The following ASIC2 variants were observed in gnomAD, a reference collection of about 807,000 sequenced individuals.
ASIC2 encodes acid sensing ion channel subunit 2.
In ASIC2, 25 loss-of-function variants were observed where a neutral mutation model predicts 57.3. The ratio of observed to expected loss-of-function variants is 0.44; its 90% CI spans 0.32 to 0.61. The LOEUF (loss-of-function observed/expected upper bound fraction) is 0.61, where lower values mean the gene tolerates loss of function less well. Ranked by LOEUF, ASIC2 falls within the 20% of genes least tolerant of loss-of-function variation. The probability of loss-of-function intolerance (pLI) is 0.06; values close to 1 mark genes in which losing one functional copy is unlikely to be tolerated. For missense variants in ASIC2, 641 were observed against 738.1 expected (o/e 0.87, Z 1.52); for synonymous variants, 319 against 307.5 (o/e 1.04, Z -0.39).
At chr17:33,667,148 G>A (rs556045879) in intron 1 of ASIC2, among the ~76,000 whole-genome samples, 1 of 152,112 alleles carries the variant, frequency 6.6e-6, no homozygotes, top group Non-Finnish European at 1.5e-5. Context: ...AATCTCAGCC[G>A]GAAACCACCT....
rs137876689 is a variant in ASIC2 at position 33,610,060 on chromosome 17, A to G, written c.556-497993T>C. ...TGGGACCCTGGACAGAGGCGCACAC[A>G]CACACACACACACACACACACACAC... On this transcript the variant is annotated intron_variant, in intron 1 of 9. Coordinates refer to the ASIC2 transcript ENST00000359872. Among the ~76,000 whole-genome samples, 5 of 141,412 alleles carry G rather than the reference A, an allele frequency of 3.5e-5. No individual in the cohort carries two copies. The Middle Eastern group carries it at 0.011, about 319-fold the overall frequency. The allele number at this position is 141,412 out of a possible 152,430, so 92.8% of individuals were successfully genotyped here.
intron 1 of ASIC2, among the ~76,000 whole-genome samples, chr17:33,712,635 GCTT>G (rs75568689): frequency 8.1e-6 from 1 of 123,320 alleles, no homozygotes; most frequent in African/African-American, 3.2e-5. Context: ...TACTCATATG[GCTT>G]TTTTTTTTTT....
At chr17:33,322,007 C>T (rs1375402833) in intron 1 of ASIC2, among the ~76,000 whole-genome samples, 1 of 152,200 alleles carries the variant, frequency 6.6e-6, no homozygotes, top group Non-Finnish European at 1.5e-5. Context: ...TGTCTGGATC[C>T]TGGGAAGGAC....
chr17:33,034,137 T>C (rs2091898532), intron 3 of ASIC2, among the ~76,000 whole-genome samples: 1 of 152,212 alleles, frequency 6.6e-6, no homozygotes, highest in East Asian at 1.9e-4. Flanking sequence ...GCTACCCACT[T>C]CTCTGAGCTC....
At chr17:34,111,346 A>G (rs541778321) in intron 1 of ASIC2, among the ~76,000 whole-genome samples, 77 of 149,358 alleles carry the variant, frequency 5.2e-4, no homozygotes, top group African/African-American at 1.8e-3. Context: ...ATATACAGGC[A>G]CCAAAAATGA....
At chr17:33,617,213 A>G (rs761030310) in intron 1 of ASIC2, among the ~76,000 whole-genome samples, 32 of 152,246 alleles carry the variant, frequency 2.1e-4, no homozygotes, top group Non-Finnish European at 2.2e-4. Flanking sequence ...ACATAGACAC[A>G]TATGTTCATT....
intron 1 of ASIC2, among the ~76,000 whole-genome samples, chr17:33,300,094 T>G (rs1905889371): frequency 6.6e-6 from 1 of 152,172 alleles, no homozygotes; most frequent in African/African-American, 2.4e-5. Flanking sequence ...GAGTATCTAG[T>G]AAAAAGTTTC....
intron 1 of ASIC2, among the ~76,000 whole-genome samples, chr17:33,872,306 C>T (rs1473754586): frequency 1.3e-5 from 2 of 152,258 alleles, no homozygotes; most frequent in East Asian, 3.9e-4. Context: ...CAAGACCCTA[C>T]ACACAGCCTG....
chr17:33,728,613 G>T (rs1909638743), intron 1 of ASIC2, among the ~76,000 whole-genome samples: 1 of 152,120 alleles, frequency 6.6e-6, no homozygotes, highest in Non-Finnish European at 1.5e-5. Flanking sequence ...TTCATAGCCT[G>T]TGATGGGTTC....
chr17:33,358,821 T>C (rs1468344504), intron 1 of ASIC2, among the ~76,000 whole-genome samples: 1 of 152,222 alleles, frequency 6.6e-6, no homozygotes, highest in Non-Finnish European at 1.5e-5. Context: ...GGGACCTCTT[T>C]GTATTTTCTT....
At position 33,155,203 on chromosome 17, in the gene ASIC2, G is replaced by A. The variant is rs187554963; in HGVS notation, c.709-43136C>T. 3.3e-3 allele frequency among the ~76,000 whole-genome samples: 499 copies of A among 152,374 alleles called. 2 individuals are homozygous for A. The highest frequency in any genetic ancestry group is 0.025 in the South Asian group (122 of 4,830). On this transcript the variant is annotated intron_variant, in intron 1 of 9. Transcript: ENST00000225823. ...CCCAACCCCACACCTGGCATTGGCT[G>A]GGTGCTCAATAAATGCTGGCTGACC...
chr17:34,155,498 C>T (rs902247591), intron 1 of ASIC2: 1 of 166,790 alleles, frequency 6.0e-6, no homozygotes, highest in Admixed American at 6.0e-5. Flanking sequence ...CCCCACACCC[C>T]CTTCTCTGAC....
At chr17:33,259,694 C>G (rs1017499379) in intron 1 of ASIC2, among the ~76,000 whole-genome samples, 41 of 152,110 alleles carry the variant, frequency 2.7e-4, no homozygotes, top group African/African-American at 9.2e-4. Context: ...TCACACGATC[C>G]CTAGTAGGTG....
At chr17:33,649,801 C>T (rs1906861307) in intron 1 of ASIC2, among the ~76,000 whole-genome samples, 1 of 152,152 alleles carries the variant, frequency 6.6e-6, no homozygotes. Context: ...ACAAATGATG[C>T]TGGAGCAAGT....
chr17:33,113,100 A>T (rs2092266135), intron 1 of ASIC2, among the ~76,000 whole-genome samples: 1 of 152,158 alleles, frequency 6.6e-6, no homozygotes, highest in East Asian at 1.9e-4. Context: ...TTGCTTGATG[A>T]AAGTATGATT....
intron 1 of ASIC2, chr17:34,039,265 A>T (rs1320009328): frequency 1.2e-6 from 2 of 1,613,854 alleles, no homozygotes; most frequent in East Asian, 4.5e-5. Flanking sequence ...TCTGTGCTGG[A>T]TGGAGATCTG....
chr17:34,098,587 C>T (rs1192629520), intron 1 of ASIC2, among the ~76,000 whole-genome samples: 1 of 152,158 alleles, frequency 6.6e-6, no homozygotes, highest in Non-Finnish European at 1.5e-5. Flanking sequence ...AATCCCCTAA[C>T]AAAATGTCAG....
rs113222295 is a variant in ASIC2, at chr17:33,631,322, A to ATT, written c.556-519257_556-519256dup. Among the ~76,000 whole-genome samples the ATT allele has an allele frequency of 3.4e-3, 452 of 134,422 alleles. 4 individuals are homozygous for ATT. The highest frequency in any genetic ancestry group is 0.023 in the Middle Eastern group (6 of 256). 88.2% of individuals were successfully genotyped at this position (134,422 alleles called of 152,430 possible). On this transcript the variant is annotated intron_variant, in intron 1 of 9. Transcript: ENST00000359872. The stretch of plus-strand genomic sequence containing the variant: ...TAAGCGTGGCATGCTGCTTTTAGTG[A>ATT]TTTTTTTTTTTTTTTTTGGAGGGAG...
intron 1 of ASIC2, among the ~76,000 whole-genome samples, chr17:33,734,450 C>T (rs530791324): frequency 1.3e-5 from 2 of 152,274 alleles, no homozygotes; most frequent in African/African-American, 4.8e-5. Context: ...CTCACTGCCC[C>T]TCATGTCCTT....
Sources: allele counts gnomAD v4.1 joint callset (sites outside exome capture counted in the v4.1 genomes callset), GRCh38; gene constraint gnomAD v4.1.1; transcripts MANE v1.5; gene names NCBI Gene and HGNC (gene_info 2026-07-23, HGNC 2026-07-21).